The following SRCIN1 variants were observed in gnomAD, a reference collection of about 807,000 sequenced individuals.
The protein encoded by SRCIN1 is P130Cas-associated protein.
A neutral mutation model predicts 116.2 loss-of-function variants in SRCIN1; 50 were observed. The observed-to-expected ratio is 0.43, with a 90% confidence interval of 0.34 to 0.54. The LOEUF (loss-of-function observed/expected upper bound fraction) is 0.54. SRCIN1 is among the 20% of genes least tolerant of loss of function. The pLI, the probability that SRCIN1 is intolerant of heterozygous loss-of-function variation, is 0.02. For synonymous variants in SRCIN1, 736 were observed against 750.0 expected, an observed-to-expected ratio of 0.98 and a Z score of 0.30; for missense variants, 1,446 against 1,672.0, an observed-to-expected ratio of 0.86 and a Z score of 2.36.
At chr17:38,543,777 A>G in intron 18 of SRCIN1, 46 bp downstream of exon 18, 1 of 1,588,362 alleles carries the variant, frequency 6.3e-7, no homozygotes, top group Non-Finnish European at 8.5e-7. Context: ...GGGGCCCGGC[A>G]TGCAGCAGAG....
intron 1 of SRCIN1, among the ~76,000 whole-genome samples, chr17:38,580,500 G>T (rs1186848503): frequency 3.3e-5 from 5 of 152,200 alleles, no homozygotes; most frequent in Non-Finnish European, 7.3e-5. Context: ...TGTTATCATG[G>T]TCCCCATTTC....
At chr17:38,551,120 G>A (rs368957853) in intron 15 of SRCIN1, 35 bp downstream of exon 15, 160 of 936,652 alleles carry the variant, frequency 1.7e-4, no homozygotes, top group African/African-American at 8.0e-4. Context: ...ACTCCCCCAC[G>A]CTGGGCTCCT....
intron 17 of SRCIN1, among the ~76,000 whole-genome samples, chr17:38,548,277 A>G (rs1427444259): frequency 1.3e-5 from 2 of 152,136 alleles, no homozygotes; most frequent in African/African-American, 4.8e-5. Context: ...ATCTTCGGAT[A>G]CGGGACTTTC....
rs1906413812 is a variant in SRCIN1, at chr17:38,563,312, T to G, written c.740+11A>C. 1 of 1,564,582 alleles carries G rather than the reference T, an allele frequency of 6.4e-7. No homozygotes were observed. The highest frequency in any genetic ancestry group is 8.7e-7 in the Non-Finnish European group (1 of 1,154,300). On this transcript the variant is annotated intron_variant, in intron 5 of 18. Coordinates refer to ENST00000617146, the MANE Select transcript of SRCIN1 (RefSeq NM_025248.3). This position sits in a 1 kb window ranked among gnomAD's most constrained non-coding sequence, Gnocchi z 5.8. ...GGAAGCCCACCCAAATCCCCCCCGG[T>G]CCACGCCCACCGGACGTCCTCCAGC...
At chr17:38,588,499 C>T (rs757187182) in intron 1 of SRCIN1, among the ~76,000 whole-genome samples, 93 of 152,014 alleles carry the variant, frequency 6.1e-4, no homozygotes, top group Non-Finnish European at 1.0e-3. Context: ...ACAGGCCGAG[C>T]GGGAGGGGAG....
At chr17:38,583,553 T>TTG (rs35948802) in intron 1 of SRCIN1, among the ~76,000 whole-genome samples, 23,970 of 127,312 alleles carry the variant, frequency 0.19, 2,471 homozygotes, top group African/African-American at 0.35. Flanking sequence ...TTTCTGTTTT[T>TTG]TTTTTTTTTT....
chr17:38,549,565 TA>T (rs1288657463), intron 15 of SRCIN1, among the ~76,000 whole-genome samples: 1 of 152,126 alleles, frequency 6.6e-6, no homozygotes, highest in Non-Finnish European at 1.5e-5. Flanking sequence ...ACATTCAAGT[TA>T]GAGAGGCGCT....
chr17:38,573,639 T>C (rs1441585149), intron 2 of SRCIN1, among the ~76,000 whole-genome samples: 1 of 152,194 alleles, frequency 6.6e-6, no homozygotes, highest in Non-Finnish European at 1.5e-5. Flanking sequence ...CTGTCCATCA[T>C]CCAACCCCTA....
In SRCIN1 at chr17:38,572,811, G is replaced by A. The variant is rs1282980794; in HGVS notation, c.325-4580C>T. 6.6e-6 allele frequency: 1 copy of A among 152,358 alleles called. No individual in the cohort carries two copies. The highest frequency in any genetic ancestry group is 2.4e-5 in the African/African-American group (1 of 41,330). The allele number at this position is 152,358 out of a possible 1,614,324, so 9.4% of individuals were successfully genotyped here. ...GCGGCCGCCGCCGCCGGTGCCCTTTGCTGCAATGCGAGAGCCGCCGCGGCC... is the reference window on the plus strand; with the variant it reads ...GCGGCCGCCGCCGCCGGTGCCCTTTACTGCAATGCGAGAGCCGCCGCGGCC... On this transcript the variant is annotated intron_variant, in intron 2 of 18. Coordinates refer to ENST00000617146, the MANE Select transcript of SRCIN1 (RefSeq NM_025248.3). The surrounding 1 kb of genome is among the most constrained non-coding windows in gnomAD (Gnocchi z 4.3).
At chr17:38,591,611 G>A (rs1442617500) in intron 1 of SRCIN1, among the ~76,000 whole-genome samples, 1 of 152,198 alleles carries the variant, frequency 6.6e-6, no homozygotes, top group African/African-American at 2.4e-5. Context: ...CAGGGCCTAA[G>A]AGCGCTGTTC....
chr17:38,553,810 A>G (rs1456321772), intron 11 of SRCIN1, among the ~76,000 whole-genome samples: 1 of 152,210 alleles, frequency 6.6e-6, no homozygotes, highest in Admixed American at 6.5e-5. Flanking sequence ...TTCTAGAGTC[A>G]GACTGATCCA....
rs1904358428 is a variant in SRCIN1 at position 38,536,024 on chromosome 17, GT to G, written c.3418-2594del. ...CCACCTGGCTTCTGTATTCAGGCAG[GT>G]GATGTGCCTTCACCCAGTTGAGGTA... is the stretch of plus-strand genomic sequence containing the variant. On this transcript the variant is annotated intron_variant, in intron 18 of 18. Transcript: ENST00000617146. Among the ~76,000 whole-genome samples, 3 of 152,202 alleles carry G rather than the reference GT, an allele frequency of 2.0e-5. 1 individual carries two copies. The South Asian group carries it at 6.2e-4, about 32-fold the overall frequency.
intron 11 of SRCIN1, among the ~76,000 whole-genome samples, chr17:38,557,713 C>T (rs1905896998): frequency 6.6e-6 from 1 of 152,220 alleles, no homozygotes; most frequent in Admixed American, 6.5e-5. Flanking sequence ...AACACTACAG[C>T]CCTGTTCCAG....
rs115513928 is a variant in SRCIN1, at chr17:38,587,443, C to T, written c.23-8652G>A. Among the ~76,000 whole-genome samples, 329 of 152,238 alleles carry T rather than the reference C, an allele frequency of 2.2e-3. 1 individual carries two copies. Among genetic ancestry groups the T allele is most frequent in the African/African-American group, 7.3e-3 (304 of 41,534 alleles). ...GGGAAGAGGTGGCCCCCTCCTTACC[C>T]GTCCTGTGTCGGGAAACCACAGTGC... On this transcript the variant is annotated intron_variant, in intron 1 of 18. Coordinates refer to ENST00000617146, the MANE Select transcript of SRCIN1 (RefSeq NM_025248.3).
In SRCIN1 at chr17:38,552,790, C is replaced by A. The variant is rs763508979; in HGVS notation, c.2267G>T (p.Gly756Val). Residue 756 changes from glycine to valine, a missense_variant, in exon 12 of 19, where the codon GGC becomes GTC. This residue lies in a region of SRCIN1 where 531 missense variants were observed against 633.9 expected (regional missense o/e 0.84). Transcript: ENST00000617146. The surrounding 1 kb of genome is among the most constrained non-coding windows in gnomAD (Gnocchi z 5.3). ...CAGTGCCTTCTCCTCCAGCTCAGGG[C>A]CGGGCACCAGCCGGTGGTTGTGGGA... ...DVSHNHRLVP[G>V]PELEEKALVL... The A allele has an allele frequency of 4.3e-6, 7 of 1,613,892 alleles. No homozygotes were observed. The South Asian group carries it at 7.7e-5, about 18-fold the overall frequency.
At position 38,564,147 on chromosome 17, in the gene SRCIN1, G is replaced by T. The variant is rs778341340; in HGVS notation, c.512C>A (p.Ser171Ter). 1.3e-6 allele frequency: 2 copies of T among 1,599,784 alleles called. No individual in the cohort carries two copies. Among genetic ancestry groups the T allele is most frequent in the Non-Finnish European group, 1.7e-6 (2 of 1,174,018 alleles). The change falls in exon 4 of 19, where the codon TCG (serine) becomes TAG (stop). Residue 171 changes from serine (S) to a stop codon, truncating the protein, a stop_gained. Coordinates refer to ENST00000617146, the MANE Select transcript of SRCIN1 (RefSeq NM_025248.3). LOFTEE classifies it high-confidence loss of function. Reference protein sequence around the residue: ...RFRQSLPLSRSASQTKLRSPG... With the variant: ...RFRQSLPLSR Reference sequence around the variant, plus strand: ...GGAGCGCAGCTTGGTCTGGCTGGCCGAGCGGGAGAGAGGCAGGCTCTGTCG... The same window carrying T: ...GGAGCGCAGCTTGGTCTGGCTGGCCTAGCGGGAGAGAGGCAGGCTCTGTCG...
intron 2 of SRCIN1, among the ~76,000 whole-genome samples, chr17:38,577,779 T>C (rs1907505313): frequency 6.6e-6 from 1 of 152,200 alleles, no homozygotes; most frequent in Non-Finnish European, 1.5e-5. Context: ...CCCGAGGTTC[T>C]GGGGGAGGTT....
At chr17:38,579,328 C>T (rs1907640637) in intron 1 of SRCIN1, among the ~76,000 whole-genome samples, 1 of 152,180 alleles carries the variant, frequency 6.6e-6, no homozygotes. Context: ...CAAGGCTGGG[C>T]GCCGGCTGGG....
At chr17:38,583,513 A>G (rs1037097139) in intron 1 of SRCIN1, among the ~76,000 whole-genome samples, 1 of 151,462 alleles carries the variant, frequency 6.6e-6, no homozygotes, top group Non-Finnish European at 1.5e-5. Context: ...AGACAATGGT[A>G]GAGAAAGTAG....
Sources: allele counts gnomAD v4.1 joint callset (sites outside exome capture counted in the v4.1 genomes callset), GRCh38; gene constraint gnomAD v4.1.1; regional missense constraint gnomAD v4.1.1; non-coding constraint Gnocchi (gnomAD v3.1); transcripts MANE v1.5; gene names NCBI Gene and HGNC (gene_info 2026-07-23, HGNC 2026-07-21).